ITGB1: variants seen among roughly 807,000 people sequenced by gnomAD.
The protein encoded by ITGB1 is integrin beta-1.
A neutral mutation model predicts 86.5 loss-of-function variants in ITGB1; 24 were observed. The observed-to-expected ratio is 0.28, with a 90% CI of 0.20 to 0.39. The LOEUF is 0.39. Among genes scored for constraint, ITGB1 ranks in the 10% least tolerant of loss-of-function variants. The pLI is 1.00. For missense variants in ITGB1, 556 were observed against 946.9 expected (o/e 0.59, Z 5.42); for synonymous variants, 323 against 316.8 (o/e 1.02, Z -0.21).
chr10:32,929,656 T>A lies in ITGB1; in HGVS notation c.376+166A>T, dbSNP rs548279695. On this transcript the variant is annotated intron_variant, in intron 4 of 15. Transcript: ENST00000302278. ...ATTCCAAGTAAATATGTCTTACAAT[T>A]GTTATATCTGCAAAAATTTTCTAAA... Among the ~76,000 whole-genome samples, 24 of 152,336 alleles carry A rather than the reference T, an allele frequency of 1.6e-4. 1 individual carries two copies. In the South Asian group the frequency reaches 5.0e-3, roughly 32 times the overall value.
At chr10:32,929,153 C>A (rs1224567573) in intron 4 of ITGB1, among the ~76,000 whole-genome samples, 1 of 152,036 alleles carries the variant, frequency 6.6e-6, no homozygotes, top group African/African-American at 2.4e-5. Flanking sequence ...TATCATTGAT[C>A]AAGGACAGAG....
At chr10:32,933,763 TTATA>T (rs2094991756) in intron 2 of ITGB1, among the ~76,000 whole-genome samples, 2 of 152,194 alleles carry the variant, frequency 1.3e-5, no homozygotes, top group African/African-American at 4.8e-5. Context: ...AGGATGCACT[TTATA>T]TATACAGTTG....
At position 32,935,566 on chromosome 10, in the gene ITGB1, G is replaced by A. The variant is rs1469748200; in HGVS notation, c.1-8C>T. On this transcript the variant is annotated splice_region_variant and splice_polypyrimidine_tract_variant and intron_variant, in intron 1 of 15. Transcript: ENST00000302278. Reference sequence around the variant, plus strand: ...AATTGGTTGTAAATTCATCTGAAATGTAAAATGTGCCTTATATTAGTTATA... The same window carrying A: ...AATTGGTTGTAAATTCATCTGAAATATAAAATGTGCCTTATATTAGTTATA... 1.9e-6 allele frequency: 3 copies of A among 1,589,968 alleles called. No homozygotes were observed. Among genetic ancestry groups the A allele is most frequent in the African/African-American group, 2.7e-5 (2 of 74,444 alleles).
At chr10:32,929,633 T>C (rs1306281961) in intron 4 of ITGB1, among the ~76,000 whole-genome samples, 189 bp downstream of exon 4, 7 of 152,210 alleles carry the variant, frequency 4.6e-5, no homozygotes, top group Non-Finnish European at 1.0e-4. Flanking sequence ...TTAATATTAT[T>C]CCAAGTAAAT....
At chr10:32,913,898 G>GTTA (rs1481517017) in intron 11 of ITGB1, among the ~76,000 whole-genome samples, 1 of 152,192 alleles carries the variant, frequency 6.6e-6, no homozygotes, top group Admixed American at 6.5e-5. Context: ...AGGAAAAAAT[G>GTTA]TTAAGGGCAG....
chr10:32,926,133 AAATG>A (rs1565825744), intron 5 of ITGB1, 24 bp from the exon 6 acceptor site: 1 of 1,473,926 alleles, frequency 6.8e-7, no homozygotes, highest in Non-Finnish European at 9.5e-7. Context: ...AATGGTACAT[AAATG>A]AATGAATGGA....
At chr10:32,922,584 T>G in intron 8 of ITGB1, 56 bp downstream of exon 8, 1 of 1,097,968 alleles carries the variant, frequency 9.1e-7, no homozygotes, top group Non-Finnish European at 1.4e-6. Flanking sequence ...AGACATGATT[T>G]GCCTCTAACA....
chr10:32,951,379 T>G (rs984134308), intron 1 of ITGB1, among the ~76,000 whole-genome samples: 30 of 151,202 alleles, frequency 2.0e-4, no homozygotes, highest in African/African-American at 6.6e-4. Context: ...CTAATGGTGA[T>G]CTCATAAACA....
chr10:32,919,792 T>C (rs3780876), intron 11 of ITGB1, 93 bp downstream of exon 11: 174,472 of 1,085,108 alleles, frequency 0.16, 15,124 homozygotes, highest in East Asian at 0.25. Flanking sequence ...TTGCTCCAAA[T>C]AGAGAGATAT....
chr10:32,926,060 T>C lies in ITGB1; in HGVS notation c.597A>G (p.Thr199=). The stretch of plus-strand genomic sequence containing the variant: ...TGCAAGGGTTCCTGAGCTTAGCTGG[T>C]GTTGTGCTAATGTAAGGCATCACAG... The part of the protein sequence containing the change: ...EKTVMPYIST[T]PAKLRNPCTS... The change falls in exon 6 of 16, where the codon ACA becomes ACG. Residue 199 remains threonine, a synonymous_variant. Transcript: ENST00000302278. The C allele has an allele frequency of 1.9e-6, 3 of 1,614,118 alleles. No homozygotes were observed. Among genetic ancestry groups the C allele is most frequent in the Non-Finnish European group, 2.5e-6 (3 of 1,180,014 alleles).
At chr10:32,918,397 G>A (rs1405535329) in intron 11 of ITGB1, among the ~76,000 whole-genome samples, 1 of 151,814 alleles carries the variant, frequency 6.6e-6, no homozygotes, top group Non-Finnish European at 1.5e-5. Context: ...AATTTAAAAG[G>A]GAAAAACTGG....
At chr10:32,931,066 C>G (rs539156937) in intron 3 of ITGB1, among the ~76,000 whole-genome samples, 2 of 152,116 alleles carry the variant, frequency 1.3e-5, no homozygotes, top group East Asian at 1.9e-4. Context: ...ATAGTTTTTA[C>G]ATAAGATTTT....
chr10:32,916,679 AC>A (rs1164683870), intron 11 of ITGB1, among the ~76,000 whole-genome samples: 4 of 152,198 alleles, frequency 2.6e-5, no homozygotes, highest in Admixed American at 6.5e-5. Context: ...CCACTGCTCA[AC>A]GAAATAAAAG....
intron 4 of ITGB1, among the ~76,000 whole-genome samples, chr10:32,928,575 G>C (rs1312602413): frequency 6.6e-6 from 1 of 152,100 alleles, no homozygotes; most frequent in Admixed American, 6.6e-5. Flanking sequence ...AATTAGTCTG[G>C]AGAGGGCAAG....
intron 10 of ITGB1, 26 bp downstream of exon 10, chr10:32,920,219 T>A (rs747344725): frequency 6.2e-7 from 1 of 1,602,862 alleles, no homozygotes; most frequent in South Asian, 1.1e-5. Flanking sequence ...CAATGTTTTC[T>A]ACAGAAAATG....
Position 32,908,567 on chromosome 10 carries a change from A to G in ITGB1, c.2165-33T>C, listed in dbSNP as rs777030598. On this transcript the variant is annotated intron_variant, in intron 14 of 15. Coordinates refer to ENST00000302278, the MANE Select transcript of ITGB1 (RefSeq NM_002211.4). Reference sequence around the variant, plus strand: ...ATAAGAAGGTAATAATGAGCACCACAAAGAGCTGTGCAGTGTCTTATAAAA... The same window carrying G: ...ATAAGAAGGTAATAATGAGCACCACGAAGAGCTGTGCAGTGTCTTATAAAA... 6.3e-6 allele frequency: 10 copies of G among 1,595,476 alleles called. No individual in the cohort carries two copies. In the East Asian group the frequency reaches 1.3e-4, roughly 21 times the overall value.
In ITGB1 at chr10:32,912,052, A is replaced by G. The variant is rs371474517; in HGVS notation, c.1542T>C (p.Ala514=). Residue 514 remains alanine, a synonymous_variant, in exon 12 of 16, where the codon GCT becomes GCC. Coordinates refer to ENST00000302278, the MANE Select transcript of ITGB1 (RefSeq NM_002211.4). The part of the protein sequence containing the change: ...TDEVNSEDMD[A]YCRKENSSEI... ...CTGAACTGTTTTCTTTCCTGCAGTA[A>G]GCATCCATGTCTTCACTGTTAACTT... The G allele has an allele frequency of 2.7e-5, 44 of 1,614,114 alleles. No homozygotes were observed. The highest frequency in any genetic ancestry group is 3.7e-5 in the Non-Finnish European group (44 of 1,180,050).
At chr10:32,909,256 A>G (rs1248929624) in intron 14 of ITGB1, among the ~76,000 whole-genome samples, 1 of 152,356 alleles carries the variant, frequency 6.6e-6, no homozygotes, top group Middle Eastern at 3.4e-3. Flanking sequence ...GAGAAAAGAC[A>G]GTCTTTTTTC....
At position 32,923,619 on chromosome 10, in the gene ITGB1, A is replaced by T. The variant is rs754631231; in HGVS notation, c.908T>A (p.Leu303Gln). 1 of 1,613,746 alleles carries T rather than the reference A, an allele frequency of 6.2e-7. No individual in the cohort carries two copies. The highest frequency in any genetic ancestry group is 1.7e-5 in the Admixed American group (1 of 59,966). The change falls in exon 7 of 16, where the codon CTG (leucine) becomes CAG (glutamine). Residue 303 changes from leucine to glutamine, a missense_variant. By Grantham distance (113) the Leu-to-Gln change is moderately radical (BLOSUM62 -2). This residue lies in a region of ITGB1 where 25 missense variants were observed against 76.3 expected (regional missense o/e 0.33). Transcript: ENST00000302278. ...GCTCATTGTGTACATATTATTTTCC[A>T]GGTGACATTGTCCATCATTTGGTAA... ...IVLPNDGQCHLENNMYTMSHY... is the reference protein window; with the variant it reads ...IVLPNDGQCHQENNMYTMSHY...
Sources: allele counts gnomAD v4.1 joint callset (sites outside exome capture counted in the v4.1 genomes callset), GRCh38; gene constraint gnomAD v4.1.1; regional missense constraint gnomAD v4.1.1; transcripts MANE v1.5; gene names NCBI Gene and HGNC (gene_info 2026-07-23, HGNC 2026-07-21).